The following NDST2 variants were observed in gnomAD, a reference collection of about 807,000 sequenced individuals.
The protein encoded by NDST2 is N-deacetylase and N-sulfotransferase 2, also known as bifunctional heparan sulfate N-deacetylase/N-sulfotransferase 2.
Under a neutral mutation model 86.9 loss-of-function variants are expected in NDST2, and 32 were observed. The observed-to-expected ratio is 0.37, with a 90% CI of 0.28 to 0.49. The LOEUF is 0.49. Ranked by LOEUF, NDST2 falls within the 20% of genes least tolerant of loss-of-function variation. The probability of loss-of-function intolerance (pLI) is 0.97; values close to 1 mark genes in which losing one functional copy is unlikely to be tolerated. For synonymous variants in NDST2, 409 were observed against 437.0 expected, an observed-to-expected ratio of 0.94 and a Z score of 0.80; for missense variants, 950 against 1,146.9, an observed-to-expected ratio of 0.83 and a Z score of 2.48.
chr10:73,811,040 CCGGGGCCGGG>C (rs2084213365), intron 1 of NDST2, 137 bp from the exon 2 acceptor site: 2 of 390,878 alleles, frequency 5.1e-6, no homozygotes, highest in Non-Finnish European at 9.0e-6. Flanking sequence ...CAGACGGGGG[CCGGGGCCGGG>C]CCCGGGCTTG....
Position 73,806,314 on chromosome 10 carries a change from C to T in NDST2, c.1409G>A (p.Arg470His), listed in dbSNP as rs181061014. The T allele has an allele frequency of 6.5e-5, 105 of 1,614,004 alleles. No homozygotes were observed. The highest frequency in any genetic ancestry group is 7.9e-5 in the Non-Finnish European group (93 of 1,180,004). ...YPHLRPARYRRGFIHNGIMVL... is the reference protein window; with the variant it reads ...YPHLRPARYRHGFIHNGIMVL... Reference sequence around the variant, plus strand: ...CATAATGCCATTGTGAATGAAGCCACGGCGGTAGCGGGCAGGGCGGAGATG... The same window carrying T: ...CATAATGCCATTGTGAATGAAGCCATGGCGGTAGCGGGCAGGGCGGAGATG... Residue 470 changes from arginine to histidine, a missense_variant, in exon 6 of 15, where the codon CGT becomes CAT. Physicochemically the swap from Arg to His is conservative, Grantham distance 29. Coordinates refer to ENST00000309979, the MANE Select transcript of NDST2 (RefSeq NM_003635.4). The surrounding 1 kb of genome is among the most constrained non-coding windows in gnomAD (Gnocchi z 4.5).
Position 73,807,095 on chromosome 10 carries a change from G to T in NDST2, c.1093+13C>A. The T allele has an allele frequency of 6.2e-7, 1 of 1,609,138 alleles. No homozygotes were observed. The highest frequency in any genetic ancestry group is 1.3e-5 in the African/African-American group (1 of 74,808). On this transcript the variant is annotated intron_variant, in intron 4 of 14. Coordinates refer to ENST00000309979, the MANE Select transcript of NDST2 (RefSeq NM_003635.4). ...AACTATGATATGCCAAAGGAGTAGG[G>T]GTATAAGCTCACCAGTATGATAGAA... is the stretch of plus-strand genomic sequence containing the variant.
At position 73,804,028 on chromosome 10, in the gene NDST2, A is replaced by T; in HGVS notation, c.1844-12T>A. 4 of 1,612,338 alleles carry T rather than the reference A, an allele frequency of 2.5e-6. No homozygotes were observed. The highest frequency in any genetic ancestry group is 3.4e-6 in the Non-Finnish European group (4 of 1,179,104). ...AATAGCTGTAGTCCCTAAATGGGAG[A>T]GAAAGACCAGCTTCAGGCAGCCATT... is the stretch of plus-strand genomic sequence containing the variant. On this transcript the variant is annotated splice_polypyrimidine_tract_variant and intron_variant, in intron 9 of 14. Coordinates refer to ENST00000309979, the MANE Select transcript of NDST2 (RefSeq NM_003635.4).
At chr10:73,805,489 G>T in intron 8 of NDST2, 98 bp downstream of exon 8, 2 of 1,202,022 alleles carry the variant, frequency 1.7e-6, no homozygotes, top group Non-Finnish European at 2.4e-6. Flanking sequence ...ACTCTAGCCT[G>T]GGTGACAGAG....
chr10:73,804,637 CAAAAA>C (rs540403202), intron 9 of NDST2, 131 bp downstream of exon 9: 32 of 365,382 alleles, frequency 8.8e-5, no homozygotes, highest in African/African-American at 7.3e-4. Context: ...ACTCTTATCT[CAAAAA>C]AAAAAAAATT....
chr10:73,807,827 G>A lies in NDST2; in HGVS notation c.562C>T (p.Pro188Ser), dbSNP rs201159878. Residue 188 changes from proline (P) to serine (S), a missense_variant, in exon 3 of 15, where the codon CCC (proline) becomes TCC (serine). Coordinates refer to ENST00000309979, the MANE Select transcript of NDST2 (RefSeq NM_003635.4). ...SLLSAQLKGF[P>S]LFLHSNLGLR... ...CCCAAGTTTGAGTGTAAAAAAAGGG[G>A]AAAGCCCTTGAGCTGGGCGCTCAGT... 105 of 1,614,044 alleles carry A rather than the reference G, an allele frequency of 6.5e-5. 1 individual carries two copies. The highest frequency in any genetic ancestry group is 3.3e-4 in the Middle Eastern group (2 of 6,082).
intron 2 of NDST2, 136 bp downstream of exon 2, chr10:73,810,663 G>A (rs919077611): frequency 2.5e-6 from 1 of 392,400 alleles, no homozygotes; most frequent in African/African-American, 2.1e-5. Flanking sequence ...CCGTATTTGA[G>A]AAATTACAAC....
rs2084266644 is a variant in NDST2 at position 73,811,492 on chromosome 10, T to A, written c.-465A>T. On this transcript the variant is annotated 5_prime_UTR_variant, in exon 1 of 15. Transcript: ENST00000309979. ...GGCTCACCCGGAGGACTGGGCGGCG[T>A]CCCCGCTGTCCCCGGGCTCCGCCGC... The A allele has an allele frequency of 6.6e-6, 1 of 151,566 alleles. No homozygotes were observed. The highest frequency in any genetic ancestry group is 1.5e-5 in the Non-Finnish European group (1 of 67,852). The allele number at this position is 151,566 out of a possible 1,614,324, so 9.4% of individuals were successfully genotyped here.
intron 9 of NDST2, 75 bp from the exon 10 acceptor site, chr10:73,804,091 G>A: frequency 2.0e-6 from 3 of 1,530,064 alleles, no homozygotes; most frequent in African/African-American, 2.8e-5. Context: ...AAGCTTGAAG[G>A]AAGTGAAAAA....
chr10:73,803,771 G>A (rs755508444), intron 10 of NDST2, 23 bp from the exon 11 acceptor site: 15 of 1,613,858 alleles, frequency 9.3e-6, no homozygotes, highest in Non-Finnish European at 1.3e-5. Context: ...ACAGAAGAGA[G>A]AGAAGCAGAA....
Position 73,808,485 on chromosome 10 carries a change from A to C in NDST2, c.-97T>G, listed in dbSNP as rs2084146474. The C allele has an allele frequency of 2.5e-6, 3 of 1,219,840 alleles. No homozygotes were observed. Among genetic ancestry groups the C allele is most frequent in the Non-Finnish European group, 3.4e-6 (3 of 890,806 alleles). The allele number at this position is 1,219,840 out of a possible 1,614,324, so 75.6% of individuals were successfully genotyped here. A position where few individuals can be genotyped will look rare whatever the true frequency, so the allele number is the denominator to read the frequency against. Reference sequence around the variant, plus strand: ...GACTGTCTTGGAAGGGTAGAAGGATAGGAAAATAGGGGACAGGGATTCCCT... The same window carrying C: ...GACTGTCTTGGAAGGGTAGAAGGATCGGAAAATAGGGGACAGGGATTCCCT... On this transcript the variant is annotated 5_prime_UTR_variant, in exon 3 of 15. Coordinates refer to ENST00000309979, the MANE Select transcript of NDST2 (RefSeq NM_003635.4). The surrounding 1 kb of genome is among the most constrained non-coding windows in gnomAD (Gnocchi z 4.3).
Position 73,807,379 on chromosome 10 carries a change from C to A in NDST2, c.1005+5G>T, listed in dbSNP as rs769190928. ...TAAGAAAAAAATTTAAGTAACAAGA[C>A]TGACCTCAACATCAGCCACCTTCAT... On this transcript the variant is annotated splice_donor_5th_base_variant and intron_variant, in intron 3 of 14. Transcript: ENST00000309979. 6.2e-7 allele frequency: 1 copy of A among 1,613,240 alleles called. No individual in the cohort carries two copies. Among genetic ancestry groups the A allele is most frequent in the Non-Finnish European group, 8.5e-7 (1 of 1,179,444 alleles).
intron 9 of NDST2, among the ~76,000 whole-genome samples, chr10:73,804,279 T>C (rs1194287984): frequency 6.6e-6 from 1 of 152,138 alleles, no homozygotes; most frequent in Admixed American, 6.5e-5. Flanking sequence ...GGGTTAGGAA[T>C]CACTGCCTCA....
rs1004624694 is a variant in NDST2, at chr10:73,810,901, T to C, written c.-444A>G. ...TCTTAGCCGCTGCATTTTAGCTTCA[T>C]ACCTGGAAGAAGCAGCAAGGTTTAG... On this transcript the variant is annotated splice_region_variant and 5_prime_UTR_variant, in exon 2 of 15. It removes an upstream start codon present in the reference 5' UTR. Transcript: ENST00000309979. The C allele has an allele frequency of 2.5e-6, 1 of 399,108 alleles. No individual in the cohort carries two copies. The highest frequency in any genetic ancestry group is 4.4e-6 in the Non-Finnish European group (1 of 226,104). The allele number at this position is 399,108 out of a possible 1,614,324, so 24.7% of individuals were successfully genotyped here. A position where few individuals can be genotyped will look rare whatever the true frequency, so the allele number is the denominator to read the frequency against.
intron 1 of NDST2, among the ~76,000 whole-genome samples, 193 bp from the exon 2 acceptor site, chr10:73,811,096 C>A (rs1333948477): frequency 6.6e-6 from 1 of 151,900 alleles, no homozygotes; most frequent in Non-Finnish European, 1.5e-5. Flanking sequence ...GGCGCGGAGG[C>A]TGCGGGCGCC....
chr10:73,802,094 AG>A lies in NDST2; in HGVS notation c.*356del. 2.7e-6 allele frequency: 1 copy of A among 376,936 alleles called. No homozygotes were observed. Among genetic ancestry groups the A allele is most frequent in the Non-Finnish European group, 4.9e-6 (1 of 203,140 alleles). The allele number at this position is 376,936 out of a possible 1,614,324, so 23.3% of individuals were successfully genotyped here. On this transcript the variant is annotated 3_prime_UTR_variant, in exon 15 of 15. Transcript: ENST00000309979. The stretch of plus-strand genomic sequence containing the variant: ...CATAGCAAGGGGTCCCTCCCATGCA[AG>A]GGGTCTCTCCCATAGCCAGGTATAG...
Position 73,802,361 on chromosome 10 carries a change from C to A in NDST2, c.*90G>T, listed in dbSNP as rs2083999824. 1.3e-6 allele frequency: 2 copies of A among 1,491,436 alleles called. No individual in the cohort carries two copies. Among genetic ancestry groups the A allele is most frequent in the Admixed American group, 1.8e-5 (1 of 55,210 alleles). The allele number at this position is 1,491,436 out of a possible 1,614,324, so 92.4% of individuals were successfully genotyped here. On this transcript the variant is annotated 3_prime_UTR_variant, in exon 15 of 15. Coordinates refer to ENST00000309979, the MANE Select transcript of NDST2 (RefSeq NM_003635.4). ...GCTACTGAGGTAGAGGGGGAGGGGC[C>A]AGGCCACTCTAATCCCCCTTGTGGG...
chr10:73,802,489 A>T lies in NDST2; in HGVS notation c.2614T>A (p.Trp872Arg). ...LSRLGQPVPS[W>R]LREELQHSSL... ...GAATGCTGCAGTTCTTCCCGAAGCC[A>T]CGAGGGCACTGGCTGTCCAAGCCGG... The change falls in exon 15 of 15, where the codon TGG becomes AGG. Residue 872 changes from tryptophan to arginine, a missense_variant. This residue lies in a region of NDST2 where 303 missense variants were observed against 323.7 expected (regional missense o/e 0.94). Transcript: ENST00000309979. 1 of 1,613,854 alleles carries T rather than the reference A, an allele frequency of 6.2e-7. No homozygotes were observed. Among genetic ancestry groups the T allele is most frequent in the Non-Finnish European group, 8.5e-7 (1 of 1,180,040 alleles).
Position 73,805,959 on chromosome 10 carries a change from G to A in NDST2, c.1504C>T (p.Arg502Cys), listed in dbSNP as rs181809542. The change falls in exon 7 of 15, where the codon CGT (arginine) becomes TGT (cysteine). Residue 502 changes from arginine (R) to cysteine (C), a missense_variant. Coordinates refer to ENST00000309979, the MANE Select transcript of NDST2 (RefSeq NM_003635.4). ...CCTCGGATGCTCCGGTCTAGTTCAC[G>A]AGAGCCTCCAGGATACTCATTATAG... ...IFYNEYPGGS[R>C]ELDRSIRGGE... is the part of the protein sequence containing the mutation. The A allele has an allele frequency of 2.5e-6, 4 of 1,614,186 alleles. No individual in the cohort carries two copies. The highest frequency in any genetic ancestry group is 1.1e-5 in the South Asian group (1 of 91,078).
Sources: gnomAD v4.1 joint callset for allele counts (sites outside exome capture counted in the v4.1 genomes callset) on GRCh38, gnomAD v4.1.1 for gene constraint, gnomAD v4.1.1 regional missense constraint, Gnocchi (gnomAD v3.1) non-coding constraint, MANE v1.5 for transcripts, NCBI Gene and HGNC (gene_info 2026-07-23, HGNC 2026-07-21) for gene names.